GPC5: variants seen among roughly 807,000 people sequenced by gnomAD.
GPC5 encodes glypican 5, also known as glypican-5.
GPC5 carries 47 observed loss-of-function variants against 53.9 expected under a neutral mutation model. That is an observed-to-expected ratio of 0.87 (90% CI 0.69 to 1.11). The LOEUF (loss-of-function observed/expected upper bound fraction) is 1.11, where lower values mean the gene tolerates loss of function less well. GPC5 is among the 50% of genes most tolerant of loss of function. The probability of loss-of-function intolerance (pLI) is 0.00; values close to 1 mark genes in which losing one functional copy is unlikely to be tolerated. For missense variants in GPC5, 748 were observed against 713.1 expected (o/e 1.05, Z -0.56); for synonymous variants, 286 against 263.3 (o/e 1.09, Z -0.84).
At chr13:92,597,815 T>G (rs746521232) in intron 7 of GPC5, among the ~76,000 whole-genome samples, 2 of 152,254 alleles carry the variant, frequency 1.3e-5, no homozygotes, top group African/African-American at 2.4e-5. Context: ...TACTTTTTAC[T>G]GTGGCATCTG....
At chr13:91,862,989 T>A (rs1039938959) in intron 5 of GPC5, among the ~76,000 whole-genome samples, 4 of 151,542 alleles carry the variant, frequency 2.6e-5, no homozygotes, top group Non-Finnish European at 4.4e-5. Context: ...TCTTTCCCCT[T>A]CCTTTTTCTC....
At chr13:92,139,666 C>CAAAAAA (rs5805729) in intron 6 of GPC5, among the ~76,000 whole-genome samples, 43 of 94,034 alleles carry the variant, frequency 4.6e-4, no homozygotes, top group African/African-American at 6.3e-4. Flanking sequence ...GATTCCGTCT[C>CAAAAAA]AAAAAAAAAA....
intron 5 of GPC5, among the ~76,000 whole-genome samples, chr13:91,895,583 C>T (rs2039432714): frequency 6.6e-6 from 1 of 151,686 alleles, no homozygotes; most frequent in South Asian, 2.1e-4. Flanking sequence ...TGAGAACCAT[C>T]CCTTTTGGCC....
intron 7 of GPC5, among the ~76,000 whole-genome samples, chr13:92,774,377 A>G (rs1354076183): frequency 1.3e-5 from 2 of 152,042 alleles, no homozygotes; most frequent in Non-Finnish European, 2.9e-5. Context: ...TTTAAACATC[A>G]CTTTCTGTAT....
At chr13:92,653,996 C>A (rs115363365) in intron 7 of GPC5, among the ~76,000 whole-genome samples, 128 of 152,352 alleles carry the variant, frequency 8.4e-4, no homozygotes, top group African/African-American at 2.9e-3. Context: ...TGACTTTTAT[C>A]CTTCTGTGTC....
chr13:92,230,353 A>G (rs550157995), intron 7 of GPC5, among the ~76,000 whole-genome samples: 1 of 152,332 alleles, frequency 6.6e-6, no homozygotes, highest in South Asian at 2.1e-4. Flanking sequence ...AGATAAAGGT[A>G]GTCATATTGT....
At chr13:92,787,482 A>G (rs1394211722) in intron 7 of GPC5, among the ~76,000 whole-genome samples, 1 of 151,780 alleles carries the variant, frequency 6.6e-6, no homozygotes, top group Non-Finnish European at 1.5e-5. Context: ...CGTTTCAGTC[A>G]AAGGGAAAAC....
intron 7 of GPC5, among the ~76,000 whole-genome samples, chr13:92,602,485 C>T (rs534156444): frequency 1.3e-5 from 2 of 151,956 alleles, no homozygotes; most frequent in South Asian, 4.2e-4. Context: ...GTTTACTCTA[C>T]TAACTGCTCC....
At chr13:91,546,967 A>G (rs905525420) in intron 2 of GPC5, among the ~76,000 whole-genome samples, 7 of 152,090 alleles carry the variant, frequency 4.6e-5, no homozygotes, top group Non-Finnish European at 8.8e-5. Flanking sequence ...GGAAAGAAGA[A>G]GAAAAATTTT....
At chr13:92,709,679 C>T (rs748649390) in intron 7 of GPC5, 12 of 152,130 alleles carry the variant, frequency 7.9e-5, no homozygotes, top group Non-Finnish European at 1.3e-4. Context: ...CTCTACTGGC[C>T]CACATCAACA....
At chr13:91,744,059 T>C (rs1460005116) in intron 4 of GPC5, among the ~76,000 whole-genome samples, 1 of 152,092 alleles carries the variant, frequency 6.6e-6, no homozygotes, top group East Asian at 1.9e-4. Flanking sequence ...TGGGATCTTG[T>C]AAACTGAGTA....
chr13:91,530,846 C>A (rs182310832), intron 2 of GPC5, among the ~76,000 whole-genome samples: 2 of 152,192 alleles, frequency 1.3e-5, no homozygotes, highest in East Asian at 1.9e-4. Flanking sequence ...ATGACTATAA[C>A]CCCCAATTTG....
At chr13:91,538,641 G>C (rs941540034) in intron 2 of GPC5, among the ~76,000 whole-genome samples, 1 of 147,274 alleles carries the variant, frequency 6.8e-6, no homozygotes, top group African/African-American at 2.5e-5. Context: ...GGAGTGCAGC[G>C]GCATGATCTT....
intron 7 of GPC5, among the ~76,000 whole-genome samples, chr13:92,848,638 T>A (rs1432292006): frequency 2.0e-5 from 3 of 152,096 alleles, no homozygotes; most frequent in Admixed American, 6.6e-5. Context: ...ACTCTCTGTG[T>A]GTGACTCTGT....
At chr13:92,334,546 A>C (rs2043309505) in intron 7 of GPC5, among the ~76,000 whole-genome samples, 1 of 152,140 alleles carries the variant, frequency 6.6e-6, no homozygotes, top group South Asian at 2.1e-4. Context: ...CCCTCCCAAC[A>C]GTCCCTCAGA....
intron 5 of GPC5, among the ~76,000 whole-genome samples, chr13:91,876,416 G>T (rs978005416): frequency 1.2e-4 from 18 of 152,144 alleles, no homozygotes; most frequent in Admixed American, 2.6e-4. Context: ...AATACAGACA[G>T]TAAAATCCAG....
intron 6 of GPC5, among the ~76,000 whole-genome samples, chr13:91,975,812 A>G (rs1200579021): frequency 6.6e-6 from 1 of 152,220 alleles, no homozygotes; most frequent in Non-Finnish European, 1.5e-5. Context: ...CTATAAAGAC[A>G]CATGCACACA....
intron 6 of GPC5, among the ~76,000 whole-genome samples, chr13:92,061,731 A>G (rs915418090): frequency 1.1e-4 from 17 of 152,086 alleles, no homozygotes; most frequent in East Asian, 1.9e-4. Flanking sequence ...GGCTGTGTCC[A>G]TGAAGATATG....
intron 7 of GPC5, among the ~76,000 whole-genome samples, chr13:92,454,371 C>A (rs529502916): frequency 6.6e-6 from 1 of 152,158 alleles, no homozygotes; most frequent in East Asian, 1.9e-4. Context: ...CATTGTATTG[C>A]TTATCTGTAG....
Sources: gnomAD v4.1 joint callset for allele counts (sites outside exome capture counted in the v4.1 genomes callset) on GRCh38, gnomAD v4.1.1 for gene constraint, MANE v1.5 for transcripts, NCBI Gene and HGNC (gene_info 2026-07-23, HGNC 2026-07-21) for gene names.